The following NCKAP5 variants were observed in gnomAD, a reference collection of about 807,000 sequenced individuals.
The protein encoded by NCKAP5 is nck-associated protein 5.
In NCKAP5, 92 loss-of-function variants were observed where a neutral mutation model predicts 167.0. The observed-to-expected ratio is 0.55, with a 90% CI of 0.47 to 0.66. NCKAP5 has a LOEUF of 0.66. Ranked by LOEUF, NCKAP5 falls within the 30% of genes least tolerant of loss-of-function variation. The pLI is 0.00. For synonymous variants in NCKAP5, 891 were observed against 877.4 expected, an observed-to-expected ratio of 1.02 and a Z score of -0.27; for missense variants, 2,378 against 2,315.0, an observed-to-expected ratio of 1.03 and a Z score of -0.56.
intron 19 of NCKAP5, among the ~76,000 whole-genome samples, chr2:132,705,011 C>T (rs1038318926): frequency 6.6e-6 from 1 of 152,192 alleles, no homozygotes; most frequent in Non-Finnish European, 1.5e-5. Flanking sequence ...TTATACTTAA[C>T]TCTCAGTTGA....
At chr2:133,216,288 TA>T (rs2086426816) in intron 4 of NCKAP5, among the ~76,000 whole-genome samples, 1 of 151,910 alleles carries the variant, frequency 6.6e-6, no homozygotes, top group East Asian at 1.9e-4. Flanking sequence ...CTTTTCTTGG[TA>T]AAAAGAAGCT....
chr2:133,225,257 C>G (rs538928843), intron 4 of NCKAP5, among the ~76,000 whole-genome samples: 3 of 152,170 alleles, frequency 2.0e-5, no homozygotes, highest in Non-Finnish European at 4.4e-5. Context: ...ACATGCTAAT[C>G]AAGCATGCTA....
At position 133,465,287 on chromosome 2, in the gene NCKAP5, C is replaced by T. The variant is rs141600236; in HGVS notation, c.69+52171G>A. On this transcript the variant is annotated intron_variant, in intron 3 of 19. Coordinates refer to ENST00000409261, the MANE Select transcript of NCKAP5 (RefSeq NM_207363.3). ...GGTTTTCTGTTCTTGAGATAGTTTA[C>T]TGAGAATGATGATTTCCCATTTTAT... Among the ~76,000 whole-genome samples, 1,105 of 151,900 alleles carry T rather than the reference C, an allele frequency of 7.3e-3. 15 individuals are homozygous for T. Among genetic ancestry groups the T allele is most frequent in the African/African-American group, 0.024 (999 of 41,412 alleles).
intron 8 of NCKAP5, among the ~76,000 whole-genome samples, chr2:132,937,642 C>T (rs1696956259): frequency 6.6e-6 from 1 of 152,172 alleles, no homozygotes; most frequent in African/African-American, 2.4e-5. Flanking sequence ...GTTACAGAGG[C>T]AAGACAACTG....
intron 8 of NCKAP5, among the ~76,000 whole-genome samples, chr2:132,963,058 T>TTCAA (rs1461544627): frequency 6.6e-6 from 1 of 151,982 alleles, no homozygotes; most frequent in Non-Finnish European, 1.5e-5. Flanking sequence ...CATGTGACAT[T>TTCAA]TCAATCAAGA....
intron 6 of NCKAP5, among the ~76,000 whole-genome samples, chr2:132,998,966 AT>A (rs541486299): frequency 3.3e-5 from 5 of 152,214 alleles, no homozygotes; most frequent in African/African-American, 7.2e-5. Flanking sequence ...AACTAAGACC[AT>A]TTTTTCCCCT....
chr2:132,979,437 A>G (rs1357932554), intron 7 of NCKAP5, among the ~76,000 whole-genome samples: 2 of 151,978 alleles, frequency 1.3e-5, no homozygotes, highest in East Asian at 3.9e-4. Context: ...CACTTTTCTG[A>G]GTGACCCACT....
chr2:133,141,182 C>CT (rs2082983139), intron 5 of NCKAP5, among the ~76,000 whole-genome samples: 2 of 152,222 alleles, frequency 1.3e-5, no homozygotes, highest in African/African-American at 4.8e-5. Flanking sequence ...TCTTCTTTCC[C>CT]TTACCATTGC....
intron 5 of NCKAP5, among the ~76,000 whole-genome samples, chr2:133,168,276 T>G (rs964436308): frequency 7.0e-6 from 1 of 142,322 alleles, no homozygotes; most frequent in East Asian, 2.2e-4. Flanking sequence ...TTTCAACTGA[T>G]AACATTTTTT....
At chr2:133,659,531 A>C in the NCKAP5 span, among the ~76,000 whole-genome samples, 1 of 152,360 alleles carries the variant, frequency 6.6e-6, no homozygotes, top group African/African-American at 2.4e-5. Context: ...TTTGCCTGTC[A>C]AAGGATACCA....
chr2:133,200,065 T>C (rs1385812233), intron 5 of NCKAP5, among the ~76,000 whole-genome samples: 5 of 146,320 alleles, frequency 3.4e-5, no homozygotes, highest in South Asian at 2.1e-4. Context: ...TTCTTTCTTT[T>C]TTTTTTTTTT....
At chr2:132,813,636 T>C (rs1677157146) in intron 11 of NCKAP5, among the ~76,000 whole-genome samples, 2 of 152,190 alleles carry the variant, frequency 1.3e-5, no homozygotes, top group Admixed American at 1.3e-4. Flanking sequence ...GTTCCATATG[T>C]TATCCAGATG....
intron 19 of NCKAP5, among the ~76,000 whole-genome samples, chr2:132,698,670 T>C (rs1687569333): frequency 6.6e-6 from 1 of 152,010 alleles, no homozygotes. Context: ...CTGTCTCTAC[T>C]AAAAATACAA....
chr2:133,240,854 A>G (rs1008463105), intron 4 of NCKAP5, among the ~76,000 whole-genome samples: 7 of 152,154 alleles, frequency 4.6e-5, no homozygotes, highest in Non-Finnish European at 1.0e-4. Context: ...CTCTATTTTC[A>G]TTCAGGATAG....
intron 7 of NCKAP5, among the ~76,000 whole-genome samples, chr2:132,966,784 T>C (rs1383175923): frequency 6.6e-6 from 1 of 152,166 alleles, no homozygotes; most frequent in Non-Finnish European, 1.5e-5. Flanking sequence ...ACATGTATTT[T>C]ATCTGTAGGG....
At chr2:133,021,620 GT>G in intron 6 of NCKAP5, among the ~76,000 whole-genome samples, 1 of 152,184 alleles carries the variant, frequency 6.6e-6, no homozygotes, top group African/African-American at 2.4e-5. Context: ...GTAAACTCTA[GT>G]TTTTTTATTG....
At chr2:133,488,043 T>C (rs962262735) in intron 3 of NCKAP5, among the ~76,000 whole-genome samples, 3 of 152,226 alleles carry the variant, frequency 2.0e-5, no homozygotes, top group Non-Finnish European at 4.4e-5. Context: ...CTTTGGTATA[T>C]ACCTTAATCT....
At chr2:133,414,305 G>T (rs1463270869) in intron 3 of NCKAP5, among the ~76,000 whole-genome samples, 1 of 152,170 alleles carries the variant, frequency 6.6e-6, no homozygotes, top group East Asian at 1.9e-4. Flanking sequence ...CCAAGACAAG[G>T]TGCCATTCCA....
the NCKAP5 span, among the ~76,000 whole-genome samples, chr2:133,586,122 A>C: frequency 6.6e-6 from 1 of 152,226 alleles, no homozygotes; most frequent in African/African-American, 2.4e-5. Flanking sequence ...GGTTTTCAAT[A>C]GTAAAAGTTC....
Sources: gnomAD v4.1 joint callset for allele counts (sites outside exome capture counted in the v4.1 genomes callset) on GRCh38, gnomAD v4.1.1 for gene constraint, MANE v1.5 for transcripts, NCBI Gene and HGNC (gene_info 2026-07-23, HGNC 2026-07-21) for gene names.